The following PLD5 variants were observed in gnomAD, a reference collection of about 807,000 sequenced individuals.
PLD5 encodes the protein phospholipase D family member 5, also known as inactive phospholipase D5.
In PLD5, 36 loss-of-function variants were observed where a neutral mutation model predicts 61.1. The observed-to-expected ratio is 0.59, with a 90% CI of 0.45 to 0.78. The LOEUF (loss-of-function observed/expected upper bound fraction) is 0.78, where lower values mean the gene tolerates loss of function less well. Ranked by LOEUF, PLD5 falls within the 30% of genes least tolerant of loss-of-function variation. The pLI is 0.00. For missense variants in PLD5, 515 were observed against 644.4 expected (o/e 0.80, Z 2.17); for synonymous variants, 243 against 242.8 (o/e 1.00, Z -0.01).
At chr1:242,180,357 T>G (rs934762238) in intron 5 of PLD5, among the ~76,000 whole-genome samples, 3 of 152,208 alleles carry the variant, frequency 2.0e-5, no homozygotes, top group African/African-American at 7.2e-5. Flanking sequence ...CTTATTTCAA[T>G]AGTTGTATAT....
intron 5 of PLD5, among the ~76,000 whole-genome samples, chr1:242,138,848 C>T (rs1233759261): frequency 6.6e-6 from 1 of 152,196 alleles, no homozygotes; most frequent in Non-Finnish European, 1.5e-5. Context: ...GTGCCTCTTA[C>T]TCCTACCTGC....
At chr1:242,131,890 A>G (rs1558254479) in intron 5 of PLD5, among the ~76,000 whole-genome samples, 1 of 136,264 alleles carries the variant, frequency 7.3e-6, no homozygotes, top group African/African-American at 2.8e-5. Flanking sequence ...GCTGGAGTGC[A>G]GTAGCGCAAT....
At chr1:242,436,611 A>T (rs552207074) in intron 1 of PLD5, among the ~76,000 whole-genome samples, 1 of 152,358 alleles carries the variant, frequency 6.6e-6, no homozygotes, top group South Asian at 2.1e-4. Context: ...CAATCAGCCT[A>T]TACATATAAG....
chr1:242,106,376 T>C (rs931938300), intron 8 of PLD5, among the ~76,000 whole-genome samples: 1 of 152,286 alleles, frequency 6.6e-6, no homozygotes, highest in Admixed American at 6.5e-5. Flanking sequence ...TTCTCCCTTG[T>C]GGGAGGTGAG....
At chr1:242,173,465 G>A (rs1666898062) in intron 5 of PLD5, among the ~76,000 whole-genome samples, 1 of 152,114 alleles carries the variant, frequency 6.6e-6, no homozygotes, top group Non-Finnish European at 1.5e-5. Flanking sequence ...CGTGAAAATG[G>A]CCATACTGCC....
intron 5 of PLD5, among the ~76,000 whole-genome samples, chr1:242,175,737 C>A (rs1667096546): frequency 6.6e-6 from 1 of 152,184 alleles, no homozygotes; most frequent in African/African-American, 2.4e-5. Context: ...AGCTGATAAG[C>A]AACTTCAGCA....
chr1:242,300,751 G>A (rs1427550016), intron 2 of PLD5, among the ~76,000 whole-genome samples: 2 of 5,132 alleles, frequency 3.9e-4, no homozygotes, highest in Non-Finnish European at 1.6e-3. Context: ...GGGTTGCAGC[G>A]GGACAAGGGT....
intron 3 of PLD5, among the ~76,000 whole-genome samples, chr1:242,273,976 G>C (rs1217238166): frequency 2.0e-5 from 3 of 152,108 alleles, no homozygotes; most frequent in Non-Finnish European, 4.4e-5. Context: ...TTTTGATCCG[G>C]GGAAACTGAT....
Position 242,201,952 on chromosome 1 carries a change from C to T in PLD5, c.735+18036G>A, listed in dbSNP as rs189404956. On this transcript the variant is annotated intron_variant, in intron 5 of 9. Coordinates refer to ENST00000536534, the MANE Select transcript of PLD5 (RefSeq NM_001372062.1). Reference sequence around the variant, plus strand: ...GTGTGTGGCCAGGCGCAGTGGCTCACGCCTGTAATCCCAGCACTTTGGGAG... The same window carrying T: ...GTGTGTGGCCAGGCGCAGTGGCTCATGCCTGTAATCCCAGCACTTTGGGAG... Among the ~76,000 whole-genome samples the T allele has an allele frequency of 5.6e-3, 851 of 151,744 alleles. 3 individuals are homozygous for T. The highest frequency in any genetic ancestry group is 0.045 in the Middle Eastern group (13 of 286).
At chr1:242,090,545 C>T (rs149550314) in intron 9 of PLD5, among the ~76,000 whole-genome samples, 1 of 152,308 alleles carries the variant, frequency 6.6e-6, no homozygotes, top group East Asian at 1.9e-4. Context: ...GCTTTCACAT[C>T]AAAGAAAACG....
chr1:242,517,681 T>C (rs1340345453), intron 1 of PLD5, among the ~76,000 whole-genome samples: 1 of 152,230 alleles, frequency 6.6e-6, no homozygotes. Context: ...ATCATAACAC[T>C]GCCATTATAT....
chr1:242,286,879 C>T (rs1027465869), intron 3 of PLD5, among the ~76,000 whole-genome samples: 3 of 152,092 alleles, frequency 2.0e-5, no homozygotes, highest in Non-Finnish European at 4.4e-5. Flanking sequence ...GTAGAATTCC[C>T]ACTTTGAGGA....
rs143978436 is a variant in PLD5, at chr1:242,413,945, A to G, written c.190-65703T>C. Among the ~76,000 whole-genome samples, 32 of 152,332 alleles carry G rather than the reference A, an allele frequency of 2.1e-4. 1 individual carries two copies. Among genetic ancestry groups the G allele is most frequent in the African/African-American group, 7.5e-4 (31 of 41,576 alleles). On this transcript the variant is annotated intron_variant, in intron 1 of 9. Coordinates refer to ENST00000536534, the MANE Select transcript of PLD5 (RefSeq NM_001372062.1). The stretch of plus-strand genomic sequence containing the variant: ...AGGAACCAAGATTTTTGTCCTGCAG[A>G]TAACAGGGGATTAAACACAAGACAG...
intron 5 of PLD5, chr1:242,209,299 C>T (rs1048761558): frequency 1.3e-5 from 2 of 152,168 alleles, no homozygotes; most frequent in Non-Finnish European, 1.5e-5. Context: ...ACAGGACTCC[C>T]TGCAGCCAGG....
intron 4 of PLD5, among the ~76,000 whole-genome samples, chr1:242,254,360 A>AG (rs1425932297): frequency 2.6e-5 from 4 of 151,478 alleles, no homozygotes; most frequent in Non-Finnish European, 5.9e-5. Context: ...AAAAAAAAAA[A>AG]AAAAAGAAAG....
intron 1 of PLD5, among the ~76,000 whole-genome samples, chr1:242,429,526 C>T (rs1665607748): frequency 6.6e-6 from 1 of 152,196 alleles, no homozygotes; most frequent in Non-Finnish European, 1.5e-5. Flanking sequence ...GGATTACAGG[C>T]ATGAGCCACA....
At chr1:242,235,501 G>A (rs1178250867) in intron 4 of PLD5, 1 of 152,214 alleles carries the variant, frequency 6.6e-6, no homozygotes, top group Non-Finnish European at 1.5e-5. Context: ...ATTTCAAATG[G>A]GAAATGCTCC....
intron 1 of PLD5, among the ~76,000 whole-genome samples, chr1:242,433,147 C>G (rs1399978773): frequency 1.3e-5 from 2 of 151,468 alleles, no homozygotes; most frequent in Non-Finnish European, 2.9e-5. Flanking sequence ...TTCTGGTCCC[C>G]TGAAGTTCTG....
In PLD5 at chr1:242,376,969, C is replaced by T. The variant is rs949032152; in HGVS notation, c.190-28727G>A. 4.0e-4 allele frequency: 649 copies of T among 1,611,354 alleles called. 6 individuals are homozygous for T. The African/African-American group carries it at 7.8e-3, about 19-fold the overall frequency. ...CTTTTGGATTTGATGAAGGCCATGC[C>T]GTGTATCCGCATGTGAGTATTTGAG... On this transcript the variant is annotated intron_variant, in intron 1 of 9. Transcript: ENST00000536534.
Sources: allele counts gnomAD v4.1 joint callset (sites outside exome capture counted in the v4.1 genomes callset), GRCh38; gene constraint gnomAD v4.1.1; transcripts MANE v1.5; gene names NCBI Gene and HGNC (gene_info 2026-07-23, HGNC 2026-07-21).